The following TMEM14B variants were observed in gnomAD, a reference collection of about 807,000 sequenced individuals.
The protein encoded by TMEM14B is transmembrane protein 14B.
TMEM14B carries 9 observed loss-of-function variants against 14.8 expected under a neutral mutation model. That is an observed-to-expected ratio of 0.61 (90% CI 0.37 to 1.06). The LOEUF is 1.06. TMEM14B is among the 50% of genes least tolerant of loss of function. The probability of loss-of-function intolerance (pLI) is 0.01; values close to 1 mark genes in which losing one functional copy is unlikely to be tolerated. For synonymous variants in TMEM14B, 40 were observed against 51.3 expected (o/e 0.78, Z 0.94); for missense variants, 128 against 143.6 (o/e 0.89, Z 0.56).
At chr6:10,749,484 T>G in intron 2 of TMEM14B, 138 bp from the exon 3 acceptor site, 1 of 1,170,372 alleles carries the variant, frequency 8.5e-7, no homozygotes, top group Non-Finnish European at 1.3e-6. Context: ...TCTGTGGTGC[T>G]TATTTTCAGT....
chr6:10,749,382 G>A, intron 2 of TMEM14B, 114 bp downstream of exon 2: 1 of 1,368,992 alleles, frequency 7.3e-7, no homozygotes, highest in East Asian at 2.3e-5. Context: ...GTGCGGGATG[G>A]GAGGATCACT....
chr6:10,748,842 G>A (rs1259423052), intron 1 of TMEM14B, among the ~76,000 whole-genome samples: 1 of 152,208 alleles, frequency 6.6e-6, no homozygotes, highest in Non-Finnish European at 1.5e-5. Context: ...AGACATTAAA[G>A]TAGTTGGATT....
downstream of TMEM14B, among the ~76,000 whole-genome samples, chr6:10,757,311 A>T (rs1007922594): frequency 6.6e-6 from 1 of 151,980 alleles, no homozygotes; most frequent in Admixed American, 6.6e-5. Flanking sequence ...CTACTGGTGC[A>T]TACCACCTCG....
At chr6:10,753,095 G>C (rs1180358329) in intron 4 of TMEM14B, among the ~76,000 whole-genome samples, 1 of 152,014 alleles carries the variant, frequency 6.6e-6, no homozygotes, top group Non-Finnish European at 1.5e-5. Flanking sequence ...AATTAGCCGG[G>C]CTTGGTGGCT....
At chr6:10,751,040 G>C in intron 3 of TMEM14B, 93 bp from the exon 4 acceptor site, 2 of 1,481,372 alleles carry the variant, frequency 1.4e-6, no homozygotes, top group Non-Finnish European at 1.9e-6. Context: ...AGAGTTCTTT[G>C]TGCTGTCCTT....
chr6:10,755,579 A>T, intron 5 of TMEM14B: 3 of 1,261,006 alleles, frequency 2.4e-6, no homozygotes, highest in Non-Finnish European at 3.0e-6. Flanking sequence ...TTTTGTAGAA[A>T]ATTTTGCTAA....
In TMEM14B at chr6:10,756,461, A is replaced by T. The variant is rs1388212405; in HGVS notation, c.294-6A>T. 2 of 1,607,696 alleles carry T rather than the reference A, an allele frequency of 1.2e-6. No homozygotes were observed. Among genetic ancestry groups the T allele is most frequent in the African/African-American group, 1.3e-5 (1 of 74,780 alleles). ...TGATGTTTTCTATCTTACTTGTTTT[A>T]AACAGTTTGCTGATGGCCGCCAAAG... On this transcript the variant is annotated splice_polypyrimidine_tract_variant and splice_region_variant and intron_variant, in intron 5 of 5. Coordinates refer to ENST00000379542, the MANE Select transcript of TMEM14B (RefSeq NM_030969.5).
At chr6:10,758,924 T>C (rs1771889427), downstream of TMEM14B, 2 of 169,760 alleles carry the variant, frequency 1.2e-5, no homozygotes, top group Non-Finnish European at 2.4e-5. Flanking sequence ...TTTTTTTTTT[T>C]TTTTTTTTTT....
downstream of TMEM14B, among the ~76,000 whole-genome samples, chr6:10,757,334 A>T (rs1312940935): frequency 6.6e-6 from 1 of 151,730 alleles, no homozygotes; most frequent in Non-Finnish European, 1.5e-5. Context: ...AATTTATTTT[A>T]TTTTTTTGTA....
chr6:10,755,423 A>G (rs1771766983), intron 5 of TMEM14B, 191 bp downstream of exon 5: 2 of 1,479,086 alleles, frequency 1.4e-6, no homozygotes, highest in Non-Finnish European at 1.8e-6. Context: ...GAGTATATCC[A>G]TTCACTGTGG....
In TMEM14B at chr6:10,753,856, T is replaced by TTTG. The variant is rs1327214049; in HGVS notation, c.203-1286_203-1285insTTG. 2.7e-3 allele frequency among the ~76,000 whole-genome samples: 408 copies of TTTG among 152,024 alleles called. 3 individuals carry two copies. The highest frequency in any genetic ancestry group is 9.0e-3 in the African/African-American group (372 of 41,278). On this transcript the variant is annotated intron_variant, in intron 4 of 5. Coordinates refer to ENST00000379542, the MANE Select transcript of TMEM14B (RefSeq NM_030969.5). ...TTTTTCATCTGCACAGCCATCGTCC[T>TTTG]AGTCCCAGTTATCCCCTCTTTCTTA...
chr6:10,755,926 C>G (rs2127496875), intron 5 of TMEM14B: 1 of 152,470 alleles, frequency 6.6e-6, no homozygotes, highest in Middle Eastern at 3.4e-3. Flanking sequence ...TGCACTGCAG[C>G]CTGGGCAACA....
At chr6:10,752,202 C>A (rs1035249116) in intron 4 of TMEM14B, among the ~76,000 whole-genome samples, 1 of 151,986 alleles carries the variant, frequency 6.6e-6, no homozygotes, top group Non-Finnish European at 1.5e-5. Flanking sequence ...TGACCTCACA[C>A]CTATTGTAGA....
At chr6:10,754,662 T>G (rs546842022) in intron 4 of TMEM14B, among the ~76,000 whole-genome samples, 48 of 152,348 alleles carry the variant, frequency 3.2e-4, no homozygotes, top group African/African-American at 1.1e-3. Flanking sequence ...TAAAGTCTTG[T>G]CCCATCAGAC....
chr6:10,758,283 A>T (rs1157062490), downstream of TMEM14B, among the ~76,000 whole-genome samples: 1 of 152,180 alleles, frequency 6.6e-6, no homozygotes, highest in Non-Finnish European at 1.5e-5. Flanking sequence ...CAAAGGGCAC[A>T]CATTTTTGCC....
At chr6:10,755,634 A>G (rs1466624340) in intron 5 of TMEM14B, 1 of 1,176,492 alleles carries the variant, frequency 8.5e-7, no homozygotes, top group African/African-American at 1.6e-5. Context: ...TGATTATAAT[A>G]CCTAAACCAA....
intron 5 of TMEM14B, 82 bp from the exon 6 acceptor site, chr6:10,756,385 C>G: frequency 6.6e-7 from 1 of 1,522,074 alleles, no homozygotes. Context: ...TTGTGAGGAA[C>G]CTGCAGAGTT....
intron 5 of TMEM14B, among the ~76,000 whole-genome samples, chr6:10,756,101 C>T (rs1049784258): frequency 3.9e-5 from 6 of 152,266 alleles, no homozygotes; most frequent in African/African-American, 1.4e-4. Context: ...ATACCTGAAG[C>T]AAAAGAGTCA....
intron 4 of TMEM14B, among the ~76,000 whole-genome samples, chr6:10,753,193 G>A (rs552766572): frequency 4.0e-4 from 61 of 151,362 alleles, no homozygotes; most frequent in Non-Finnish European, 8.3e-4. Context: ...CCGAGATGAC[G>A]CCACTGCACT....
Sources: gnomAD v4.1 joint callset for allele counts (sites outside exome capture counted in the v4.1 genomes callset) on GRCh38, gnomAD v4.1.1 for gene constraint, MANE v1.5 for transcripts, NCBI Gene and HGNC (gene_info 2026-07-23, HGNC 2026-07-21) for gene names.